MACROD2: variants seen among roughly 807,000 people sequenced by gnomAD.
The protein encoded by MACROD2 is ADP-ribose glycohydrolase MACROD2.
Under a neutral mutation model 70.4 loss-of-function variants are expected in MACROD2, and 36 were observed. The ratio of observed to expected loss-of-function variants is 0.51; its 90% CI spans 0.39 to 0.68. The LOEUF (loss-of-function observed/expected upper bound fraction) is 0.68. MACROD2 is among the 30% of genes least tolerant of loss of function. The pLI is 0.00. For synonymous variants in MACROD2, 172 were observed against 178.8 expected, an observed-to-expected ratio of 0.96 and a Z score of 0.30; for missense variants, 496 against 538.4, an observed-to-expected ratio of 0.92 and a Z score of 0.78.
intron 4 of MACROD2, among the ~76,000 whole-genome samples, chr20:14,660,778 AC>A (rs1248434398): frequency 6.6e-6 from 1 of 151,962 alleles, no homozygotes; most frequent in Non-Finnish European, 1.5e-5. Flanking sequence ...TTTAGCTCCC[AC>A]TTATAAGTGA....
intron 5 of MACROD2, among the ~76,000 whole-genome samples, chr20:15,184,089 C>T (rs2076518878): frequency 6.6e-6 from 1 of 151,712 alleles, no homozygotes; most frequent in African/African-American, 2.4e-5. Context: ...AAGGAACCCT[C>T]CCCTTTTAAA....
intron 3 of MACROD2, among the ~76,000 whole-genome samples, chr20:14,369,833 ATACT>A (rs1237704204): frequency 6.6e-6 from 1 of 152,256 alleles, no homozygotes; most frequent in African/African-American, 2.4e-5. Flanking sequence ...GACTTGATAA[ATACT>A]TAATGTTAAA....
At chr20:14,920,522 T>C (rs1249423271) in intron 5 of MACROD2, among the ~76,000 whole-genome samples, 1 of 152,184 alleles carries the variant, frequency 6.6e-6, no homozygotes, top group Non-Finnish European at 1.5e-5. Context: ...TGTGATTTCT[T>C]TGCGCTCTCA....
intron 9 of MACROD2, among the ~76,000 whole-genome samples, chr20:15,869,161 A>G (rs1226759727): frequency 6.8e-6 from 1 of 148,100 alleles, no homozygotes; most frequent in East Asian, 2.0e-4. Flanking sequence ...TTTGAAATTT[A>G]TATAACGTAT....
intron 6 of MACROD2, among the ~76,000 whole-genome samples, chr20:15,339,641 A>G (rs749030698): frequency 6.6e-6 from 1 of 151,856 alleles, no homozygotes; most frequent in Non-Finnish European, 1.5e-5. Context: ...TGGCTTCTGA[A>G]CAAGTCAAAC....
chr20:14,222,322 A>C (rs1383444269), intron 3 of MACROD2, among the ~76,000 whole-genome samples: 1 of 152,218 alleles, frequency 6.6e-6, no homozygotes, highest in African/African-American at 2.4e-5. Context: ...AGAATGAAAT[A>C]ATCTCTTTTG....
At chr20:14,444,658 A>C (rs2084163821) in intron 3 of MACROD2, among the ~76,000 whole-genome samples, 1 of 151,934 alleles carries the variant, frequency 6.6e-6, no homozygotes, top group Non-Finnish European at 1.5e-5. Context: ...CCCATAAACC[A>C]ACTGCCTATT....
chr20:14,463,066 G>A (rs2084391823), intron 3 of MACROD2, among the ~76,000 whole-genome samples: 1 of 152,032 alleles, frequency 6.6e-6, no homozygotes. Flanking sequence ...TTCCAATTCT[G>A]TGAAGAAAGT....
intron 15 of MACROD2, 48 bp from the exon 16 acceptor site, chr20:16,041,153 T>C: frequency 1.3e-6 from 2 of 1,501,404 alleles, no homozygotes; most frequent in Non-Finnish European, 1.8e-6. Flanking sequence ...GCCCTCAGGC[T>C]GTTATAATTC....
At chr20:14,683,051 G>A (rs952889325) in intron 4 of MACROD2, among the ~76,000 whole-genome samples, 1 of 151,814 alleles carries the variant, frequency 6.6e-6, no homozygotes, top group African/African-American at 2.4e-5. Context: ...GGCTAATTTT[G>A]TATTTTTAGT....
chr20:14,232,332 C>T (rs1468489399), intron 3 of MACROD2, among the ~76,000 whole-genome samples: 9 of 152,170 alleles, frequency 5.9e-5, no homozygotes, highest in Admixed American at 2.6e-4. Flanking sequence ...TTTGACTCTT[C>T]GAAGCTAAGT....
intron 5 of MACROD2, among the ~76,000 whole-genome samples, chr20:14,815,294 G>C (rs1032713737): frequency 3.9e-5 from 6 of 152,038 alleles, no homozygotes; most frequent in Admixed American, 2.0e-4. Flanking sequence ...ATATTTTAAA[G>C]ACAGCCAGTA....
At chr20:15,266,032 G>A (rs2077291310) in intron 6 of MACROD2, among the ~76,000 whole-genome samples, 1 of 152,226 alleles carries the variant, frequency 6.6e-6, no homozygotes. Flanking sequence ...CAGGCAATAT[G>A]ATCGGGTTTC....
chr20:14,933,280 G>A (rs1178901443), intron 5 of MACROD2, among the ~76,000 whole-genome samples: 1 of 152,256 alleles, frequency 6.6e-6, no homozygotes, highest in East Asian at 1.9e-4. Flanking sequence ...CAAGAGGATA[G>A]GAATGGGAAG....
chr20:14,850,172 T>C, intron 5 of MACROD2: 1 of 319,076 alleles, frequency 3.1e-6, no homozygotes, highest in Non-Finnish European at 6.2e-6. Flanking sequence ...GCAACTTGTT[T>C]AGCTGGAAAA....
intron 8 of MACROD2, among the ~76,000 whole-genome samples, chr20:15,680,371 C>T (rs1340788491): frequency 1.3e-5 from 2 of 152,136 alleles, no homozygotes; most frequent in Non-Finnish European, 2.9e-5. Flanking sequence ...GATTTTACTG[C>T]TGCTTCCTTC....
At chr20:14,724,649 T>C (rs901428236) in intron 5 of MACROD2, among the ~76,000 whole-genome samples, 2 of 152,200 alleles carry the variant, frequency 1.3e-5, no homozygotes, top group East Asian at 3.9e-4. Flanking sequence ...AGGAAACACA[T>C]ATGGTAACAA....
intron 8 of MACROD2, among the ~76,000 whole-genome samples, chr20:15,767,893 C>G (rs1465695350): frequency 2.6e-5 from 4 of 152,130 alleles, no homozygotes; most frequent in African/African-American, 9.7e-5. Flanking sequence ...TTCACAACCC[C>G]TGTGTTGGCT....
At chr20:15,014,301 G>A (rs999767789) in intron 5 of MACROD2, among the ~76,000 whole-genome samples, 4 of 152,010 alleles carry the variant, frequency 2.6e-5, no homozygotes, top group African/African-American at 4.8e-5. Flanking sequence ...TGTAGAGTAC[G>A]GCGAGAAGTC....
Sources: gnomAD v4.1 joint callset for allele counts (sites outside exome capture counted in the v4.1 genomes callset) on GRCh38, gnomAD v4.1.1 for gene constraint, MANE v1.5 for transcripts, NCBI Gene and HGNC (gene_info 2026-07-23, HGNC 2026-07-21) for gene names.